The following SH3TC2 variants were observed in gnomAD, a reference collection of about 807,000 sequenced individuals.
SH3TC2 encodes SH3 domain and tetratricopeptide repeat-containing protein 2.
A neutral mutation model predicts 124.5 loss-of-function variants in SH3TC2; 87 were observed. That is an observed-to-expected ratio of 0.70 (90% confidence interval 0.59 to 0.84). SH3TC2 has a LOEUF of 0.84. Among genes scored for constraint, SH3TC2 ranks in the 40% least tolerant of loss-of-function variants. SH3TC2 has a pLI of 0.00. For missense variants in SH3TC2, 1,536 were observed against 1,566.4 expected (o/e 0.98, Z 0.33); for synonymous variants, 634 against 628.5 (o/e 1.01, Z -0.13).
At chr5:149,052,928 G>T (rs1754582940) in intron 1 of SH3TC2, among the ~76,000 whole-genome samples, 1 of 152,214 alleles carries the variant, frequency 6.6e-6, no homozygotes, top group Non-Finnish European at 1.5e-5. Flanking sequence ...CAAAAACATT[G>T]CTGTAGAACA....
At chr5:149,008,819 A>T in intron 15 of SH3TC2, 32 bp downstream of exon 15, 1 of 1,613,314 alleles carries the variant, frequency 6.2e-7, no homozygotes, top group Non-Finnish European at 8.5e-7. Flanking sequence ...CACCCCTCTC[A>T]TTCAACACAC....
At chr5:149,062,636 C>G (rs1317141666) in intron 1 of SH3TC2, among the ~76,000 whole-genome samples, 1 of 152,224 alleles carries the variant, frequency 6.6e-6, no homozygotes, top group Non-Finnish European at 1.5e-5. Flanking sequence ...ACTGCCTGAA[C>G]TTTCTTCCTG....
At chr5:149,062,877 G>C (rs1293278668) in intron 1 of SH3TC2, 94 bp downstream of exon 1, 5 of 1,221,566 alleles carry the variant, frequency 4.1e-6, no homozygotes, top group Non-Finnish European at 5.9e-6. Flanking sequence ...CCATCTTTGG[G>C]AGAAAAGTTT....
Position 148,999,764 on chromosome 5 carries a change from C to T in SH3TC2, c.*4947G>A, listed in dbSNP as rs1012023269. On this transcript the variant is annotated 3_prime_UTR_variant, in exon 17 of 17. Coordinates refer to ENST00000515425, the MANE Select transcript of SH3TC2 (RefSeq NM_024577.4). Reference sequence around the variant, plus strand: ...GCTGCCCTAATCTAGTCTCATGCTGCTTCTAGAATCATCTTTCCAAAGCAC... The same window carrying T: ...GCTGCCCTAATCTAGTCTCATGCTGTTTCTAGAATCATCTTTCCAAAGCAC... 9.9e-5 allele frequency among the ~76,000 whole-genome samples: 15 copies of T among 152,164 alleles called. No homozygotes were observed. In the South Asian group the frequency reaches 1.0e-3, roughly 11 times the overall value.
chr5:149,043,957 G>A (rs1440406569), intron 4 of SH3TC2: 1 of 153,246 alleles, frequency 6.5e-6, no homozygotes, highest in African/African-American at 2.4e-5. Context: ...CCCATTATAA[G>A]TTGTTCTGTC....
rs1391196560 is a variant in SH3TC2, at chr5:148,995,488, T to C, written c.*9223A>G. Among the ~76,000 whole-genome samples the C allele has an allele frequency of 1.3e-5, 2 of 152,180 alleles. No individual in the cohort carries two copies. The highest frequency in any genetic ancestry group is 2.9e-5 in the Non-Finnish European group (2 of 68,006). ...ATTAAGAAAAGACCTACCACAGCTA[T>C]AGCAACTTATTCTAAACAAACAAAA... On this transcript the variant is annotated 3_prime_UTR_variant, in exon 17 of 17. Transcript: ENST00000515425.
In SH3TC2 at chr5:149,042,695, T is replaced by C; in HGVS notation, c.528A>G (p.Glu176=). The change falls in exon 5 of 17, where the codon GAA becomes GAG. Residue 176 remains glutamate (E), a splice_region_variant and synonymous_variant. Coordinates refer to ENST00000515425, the MANE Select transcript of SH3TC2 (RefSeq NM_024577.4). ...ETIYLGLLIQ[E]GHFFCRALCS... ...TCTCTACCCCTATGCCACACTCACC[T>C]TCCTGTATCAGGAGTCCCAGGTATA... The C allele has an allele frequency of 6.2e-7, 1 of 1,614,114 alleles. No individual in the cohort carries two copies. The highest frequency in any genetic ancestry group is 1.1e-5 in the South Asian group (1 of 91,080).
In SH3TC2 at chr5:148,987,277, T is replaced by C. The variant is rs938856980; in HGVS notation, c.*17434A>G. ...TGGTTCTATCTGTCACCATTGGGAA[T>C]GTTCAGGAATATTCTCATTGGATTG... On this transcript the variant is annotated 3_prime_UTR_variant, in exon 17 of 17. Coordinates refer to ENST00000515425, the MANE Select transcript of SH3TC2 (RefSeq NM_024577.4). Among the ~76,000 whole-genome samples the C allele has an allele frequency of 2.0e-5, 3 of 152,258 alleles. No homozygotes were observed. Among genetic ancestry groups the C allele is most frequent in the African/African-American group, 7.2e-5 (3 of 41,480 alleles).
rs149708289 is a variant in SH3TC2, at chr5:149,033,601, C to T, written c.1002-1914G>A. 2.1e-3 allele frequency among the ~76,000 whole-genome samples: 322 copies of T among 152,268 alleles called. 2 individuals carry two copies. The highest frequency in any genetic ancestry group is 7.5e-3 in the African/African-American group (312 of 41,544). ...CAAGGACAGGAGATGTGATTTAGAC[C>T]TGCCTGAAGCAGGGAGCCCATTAAA... is the stretch of plus-strand genomic sequence containing the variant. On this transcript the variant is annotated intron_variant, in intron 8 of 16. Coordinates refer to ENST00000515425, the MANE Select transcript of SH3TC2 (RefSeq NM_024577.4).
intron 11 of SH3TC2, 27 bp from the exon 12 acceptor site, chr5:149,026,779 A>G (rs776407929): frequency 6.2e-7 from 1 of 1,614,220 alleles, no homozygotes; most frequent in Non-Finnish European, 8.5e-7. Context: ...GACATGAATG[A>G]GATGACTTGA....
intron 8 of SH3TC2, chr5:149,035,296 C>T (rs1028277200): frequency 6.6e-6 from 1 of 152,042 alleles, no homozygotes; most frequent in Non-Finnish European, 1.5e-5. Context: ...GTTTTGAGTA[C>T]ATTAATTTAT....
At chr5:149,061,987 G>A (rs953883686) in intron 1 of SH3TC2, among the ~76,000 whole-genome samples, 5 of 152,004 alleles carry the variant, frequency 3.3e-5, no homozygotes, top group African/African-American at 1.2e-4. Flanking sequence ...GTTGTTTTGG[G>A]TTCACTTTAA....
At chr5:149,021,806 C>G (rs947126778) in intron 12 of SH3TC2, among the ~76,000 whole-genome samples, 1 of 146,378 alleles carries the variant, frequency 6.8e-6, no homozygotes, top group Non-Finnish European at 1.5e-5. Flanking sequence ...AAAGGTAAGT[C>G]AAGATTTAGA....
chr5:148,994,097 C>A lies in SH3TC2; in HGVS notation c.*10614G>T, dbSNP rs114217114. ...TCAGTCTACTACCATGCATCCCAGA[C>A]AGGATGTTCAGGTGAACAAGATCTA... On this transcript the variant is annotated 3_prime_UTR_variant, in exon 17 of 17. Transcript: ENST00000515425. Among the ~76,000 whole-genome samples, 1 of 152,302 alleles carries A rather than the reference C, an allele frequency of 6.6e-6. No individual in the cohort carries two copies. The highest frequency in any genetic ancestry group is 2.4e-5 in the African/African-American group (1 of 41,566).
intron 15 of SH3TC2, chr5:149,007,938 A>G (rs1753718266): frequency 6.6e-6 from 1 of 152,578 alleles, no homozygotes; most frequent in Admixed American, 6.5e-5. Context: ...ACCTCCCTTC[A>G]GCTCCCATCC....
intron 1 of SH3TC2, among the ~76,000 whole-genome samples, chr5:149,054,706 C>T (rs912787778): frequency 6.6e-6 from 1 of 152,216 alleles, no homozygotes; most frequent in Admixed American, 6.5e-5. Flanking sequence ...CATATGGCAA[C>T]AGTCAGCTGG....
At chr5:149,031,432 G>T in intron 9 of SH3TC2, 122 bp downstream of exon 9, 2 of 1,338,172 alleles carry the variant, frequency 1.5e-6, no homozygotes, top group Non-Finnish European at 2.1e-6. Context: ...CAGAATAGTG[G>T]TCATGGCCAC....
rs1265231671 is a variant in SH3TC2 at position 149,047,991 on chromosome 5, T to C, written c.152-2A>G. 6.2e-7 allele frequency: 1 copy of C among 1,613,846 alleles called. No individual in the cohort carries two copies. The highest frequency in any genetic ancestry group is 2.2e-5 in the East Asian group (1 of 44,880). ...TTACACAGAAGGAGAGTGTCAGGTC[T>C]TAAAGAGAACAGAGAGAGAAGGATC... On this transcript the variant is annotated splice_acceptor_variant, in intron 2 of 16. Transcript: ENST00000515425. LOFTEE classifies it high-confidence loss of function.
At chr5:149,047,640 C>T in intron 3 of SH3TC2, 1 of 559,822 alleles carries the variant, frequency 1.8e-6, no homozygotes, top group Non-Finnish European at 3.2e-6. Flanking sequence ...ACCAAATTTT[C>T]TCTGACTCAG....
Sources: allele counts gnomAD v4.1 joint callset (sites outside exome capture counted in the v4.1 genomes callset), GRCh38; gene constraint gnomAD v4.1.1; transcripts MANE v1.5; gene names NCBI Gene and HGNC (gene_info 2026-07-23, HGNC 2026-07-21).